The following ACAN variants were observed in gnomAD, a reference collection of about 807,000 sequenced individuals.
The protein encoded by ACAN is aggrecan core protein.
ACAN carries 47 observed loss-of-function variants against 169.1 expected under a neutral mutation model. The observed-to-expected ratio is 0.28, with a 90% CI of 0.22 to 0.35. ACAN has a LOEUF of 0.35. ACAN is among the 10% of genes least tolerant of loss of function. ACAN has a pLI of 1.00. For missense variants in ACAN, 2,716 were observed against 2,759.9 expected, an observed-to-expected ratio of 0.98 and a Z score of 0.36; for synonymous variants, 1,115 against 1,112.2, an observed-to-expected ratio of 1.00 and a Z score of -0.05.
At chr15:88,824,783 G>A (rs548645423) in intron 1 of ACAN, among the ~76,000 whole-genome samples, 6 of 152,150 alleles carry the variant, frequency 3.9e-5, no homozygotes, top group African/African-American at 7.2e-5. Flanking sequence ...GGAGGCTGAC[G>A]CAGGAGAATT....
At chr15:88,845,461 G>A (rs367941750) in intron 6 of ACAN, 44 bp from the exon 7 acceptor site, 2 of 1,556,214 alleles carry the variant, frequency 1.3e-6, no homozygotes, top group African/African-American at 1.4e-5. Context: ...CCTCAAGCCG[G>A]TCCCAGGCTG....
chr15:88,830,908 G>A (rs554540658), intron 1 of ACAN, among the ~76,000 whole-genome samples: 59 of 152,254 alleles, frequency 3.9e-4, no homozygotes, highest in African/African-American at 1.1e-3. Context: ...CCAGGTGATC[G>A]GCGTTTGTCA....
chr15:88,822,635 C>T (rs1342247219), intron 1 of ACAN, among the ~76,000 whole-genome samples: 1 of 152,112 alleles, frequency 6.6e-6, no homozygotes. Context: ...CGGGGTTTCT[C>T]CATGTTGAGG....
At chr15:88,822,040 T>A (rs937468471) in intron 1 of ACAN, among the ~76,000 whole-genome samples, 1 of 151,994 alleles carries the variant, frequency 6.6e-6, no homozygotes. Flanking sequence ...ATCCACAGAG[T>A]CTTGCTAACC....
Position 88,868,085 on chromosome 15 carries a change from C to CA in ACAN, c.6947-130dup. On this transcript the variant is annotated intron_variant, in intron 13 of 18. Transcript: ENST00000560601. The surrounding 1 kb of genome is among the most constrained non-coding windows in gnomAD (Gnocchi z 5.2). Reference sequence around the variant, plus strand: ...CAGCAGCAGCAGCAGCAACAGTTCTCAGGAAAACCAGCCAGTTCCCTCCCA... The same window carrying CA: ...CAGCAGCAGCAGCAGCAACAGTTCTCAAGGAAAACCAGCCAGTTCCCTCCCA... 1 of 621,282 alleles carries CA rather than the reference C, an allele frequency of 1.6e-6. No homozygotes were observed. Among genetic ancestry groups the CA allele is most frequent in the South Asian group, 1.9e-5 (1 of 52,530 alleles). The allele number at this position is 621,282 out of a possible 1,614,324, so 38.5% of individuals were successfully genotyped here.
At chr15:88,835,550 C>A (rs1236391220) in intron 1 of ACAN, among the ~76,000 whole-genome samples, 1 of 152,124 alleles carries the variant, frequency 6.6e-6, no homozygotes, top group East Asian at 1.9e-4. Flanking sequence ...AATTCTAGTC[C>A]AAGTTTGAAG....
chr15:88,821,709 G>C (rs1186588133), intron 1 of ACAN, among the ~76,000 whole-genome samples: 1 of 152,166 alleles, frequency 6.6e-6, no homozygotes. Flanking sequence ...ATGCCCATGG[G>C]ATGAAGAGGT....
chr15:88,821,004 G>A (rs1048954967), intron 1 of ACAN, among the ~76,000 whole-genome samples: 2 of 152,120 alleles, frequency 1.3e-5, no homozygotes, highest in Non-Finnish European at 2.9e-5. Flanking sequence ...GAGAAGTGCT[G>A]AGCAAAGGGG....
In ACAN at chr15:88,838,305, A is replaced by G. The variant is rs1175253176; in HGVS notation, c.71-358A>G. ...TGAGTTAAGCTGTCACTCCAAGGAGATGGGTCCTGTTTTATTCCACGCTTT... is the reference window on the plus strand; with the variant it reads ...TGAGTTAAGCTGTCACTCCAAGGAGGTGGGTCCTGTTTTATTCCACGCTTT... On this transcript the variant is annotated intron_variant, in intron 2 of 18. Coordinates refer to ENST00000560601, the MANE Select transcript of ACAN (RefSeq NM_001369268.1). This position sits in a 1 kb window ranked among gnomAD's most constrained non-coding sequence, Gnocchi z 5.1. 6.6e-6 allele frequency among the ~76,000 whole-genome samples: 1 copy of G among 152,094 alleles called. No individual in the cohort carries two copies. Among genetic ancestry groups the G allele is most frequent in the East Asian group, 1.9e-4 (1 of 5,178 alleles).
chr15:88,857,216 A>T lies in ACAN; in HGVS notation c.4631A>T (p.Asp1544Val), dbSNP rs749127093. ...VLEISASGFGDLSGLPSGGEG... is the reference protein window; with the variant it reads ...VLEISASGFGVLSGLPSGGEG... Reference sequence around the variant, plus strand: ...GAGATTTCTGCCTCTGGATTTGGGGACCTCAGTGGACTTCCTTCTGGAGGA... The same window carrying T: ...GAGATTTCTGCCTCTGGATTTGGGGTCCTCAGTGGACTTCCTTCTGGAGGA... The change falls in exon 12 of 19, where the codon GAC becomes GTC. Residue 1544 changes from aspartate (D) to valine (V), a missense_variant. Transcript: ENST00000560601. The T allele has an allele frequency of 6.2e-7, 1 of 1,613,512 alleles. No homozygotes were observed. The highest frequency in any genetic ancestry group is 1.7e-5 in the Admixed American group (1 of 59,982).
chr15:88,810,991 C>T (rs1411163393), intron 1 of ACAN, among the ~76,000 whole-genome samples: 1 of 152,204 alleles, frequency 6.6e-6, no homozygotes, highest in Non-Finnish European at 1.5e-5. Context: ...GCCACTGCCC[C>T]CAGTTTGTCC....
chr15:88,838,524 A>G lies in ACAN; in HGVS notation c.71-139A>G. 9.3e-7 allele frequency: 1 copy of G among 1,078,616 alleles called. No individual in the cohort carries two copies. Among genetic ancestry groups the G allele is most frequent in the South Asian group, 1.7e-5 (1 of 60,078 alleles). The allele number at this position is 1,078,616 out of a possible 1,614,324, so 66.8% of individuals were successfully genotyped here. A position where few individuals can be genotyped will look rare whatever the true frequency, so the allele number is the denominator to read the frequency against. ...GGGAATTCCCACATGACACGGGAGC[A>G]TCCCCATCATAGAGACAGACACACT... is the stretch of plus-strand genomic sequence containing the variant. On this transcript the variant is annotated intron_variant, in intron 2 of 18. Coordinates refer to ENST00000560601, the MANE Select transcript of ACAN (RefSeq NM_001369268.1). The surrounding 1 kb of genome is among the most constrained non-coding windows in gnomAD (Gnocchi z 5.1).
intron 1 of ACAN, among the ~76,000 whole-genome samples, chr15:88,809,484 C>A (rs1177573174): frequency 6.6e-6 from 1 of 152,196 alleles, no homozygotes; most frequent in Non-Finnish European, 1.5e-5. Context: ...GATGCAGGCA[C>A]CTTTGGTGTC....
At position 88,810,088 on chromosome 15, in the gene ACAN, G is replaced by T. The variant is rs571242851; in HGVS notation, c.-8+6279G>T. Among the ~76,000 whole-genome samples the T allele has an allele frequency of 3.3e-5, 5 of 152,266 alleles. 1 individual carries two copies. In the South Asian group the frequency reaches 1.0e-3, roughly 32 times the overall value. ...CAGCGTCTTCTTCATTATGCAGAGG[G>T]GGAGGCTGAGTCCCAGAGAGCGGAG... On this transcript the variant is annotated intron_variant, in intron 1 of 18. Coordinates refer to ENST00000560601, the MANE Select transcript of ACAN (RefSeq NM_001369268.1).
rs573402221 is a variant in ACAN, at chr15:88,811,248, A to G, written c.-8+7439A>G. ...CTCAAAATGCTGATGGACCTTGGAA[A>G]TCACCAAGTTTTTCAAACTGAATTT... is the stretch of plus-strand genomic sequence containing the variant. On this transcript the variant is annotated intron_variant, in intron 1 of 18. Coordinates refer to ENST00000560601, the MANE Select transcript of ACAN (RefSeq NM_001369268.1). Among the ~76,000 whole-genome samples, 155 of 152,334 alleles carry G rather than the reference A, an allele frequency of 1.0e-3. 3 individuals are homozygous for G. In the South Asian group the frequency reaches 0.032, roughly 31 times the overall value.
rs1897388409 is a variant in ACAN, at chr15:88,871,907, T to C, written c.7220-96T>C. 17 of 1,151,364 alleles carry C rather than the reference T, an allele frequency of 1.5e-5. No individual in the cohort carries two copies. In the South Asian group the frequency reaches 2.1e-4, roughly 14 times the overall value. The allele number at this position is 1,151,364 out of a possible 1,614,324, so 71.3% of individuals were successfully genotyped here. A position where few individuals can be genotyped will look rare whatever the true frequency, so the allele number is the denominator to read the frequency against. ...TGCTCCTAGGAGCCCACCCACCTCC[T>C]TTCCTCCTCCATCCCCTCTGCCTCC... On this transcript the variant is annotated intron_variant, in intron 15 of 18. Transcript: ENST00000560601. The surrounding 1 kb of genome is among the most constrained non-coding windows in gnomAD (Gnocchi z 7.8).
At position 88,871,262 on chromosome 15, in the gene ACAN, C is replaced by T; in HGVS notation, c.7061-120C>T. On this transcript the variant is annotated intron_variant, in intron 14 of 18. Coordinates refer to ENST00000560601, the MANE Select transcript of ACAN (RefSeq NM_001369268.1). This position sits in a 1 kb window ranked among gnomAD's most constrained non-coding sequence, Gnocchi z 7.8. ...CTCCTCCAGCTGTGCCTCTCCCTTC[C>T]CTTGAGGGCACAGCATGGAAGGTGG... 7.2e-7 allele frequency: 1 copy of T among 1,398,124 alleles called. No homozygotes were observed. The highest frequency in any genetic ancestry group is 9.8e-7 in the Non-Finnish European group (1 of 1,024,178). 86.6% of individuals were successfully genotyped at this position (1,398,124 alleles called of 1,614,324 possible).
rs867212611 is a variant in ACAN, at chr15:88,866,265, C to T, written c.6947-1951C>T. On this transcript the variant is annotated intron_variant, in intron 13 of 18. Transcript: ENST00000560601. The surrounding 1 kb of genome is among the most constrained non-coding windows in gnomAD (Gnocchi z 5.6). The stretch of plus-strand genomic sequence containing the variant: ...CCCAGGGTTGATGTTTTACTCTTCT[C>T]CCCAGAGGCCACTCCTGTTCCCTGC... Among the ~76,000 whole-genome samples the T allele has an allele frequency of 1.1e-4, 17 of 152,142 alleles. No homozygotes were observed. Among genetic ancestry groups the T allele is most frequent in the Admixed American group, 4.6e-4 (7 of 15,258 alleles).
At chr15:88,831,421 C>T (rs1896360388) in intron 1 of ACAN, among the ~76,000 whole-genome samples, 1 of 152,266 alleles carries the variant, frequency 6.6e-6, no homozygotes, top group African/African-American at 2.4e-5. Flanking sequence ...CCTAGGTGCT[C>T]ATCACATGTG....
Sources: allele counts gnomAD v4.1 joint callset (sites outside exome capture counted in the v4.1 genomes callset), GRCh38; gene constraint gnomAD v4.1.1; non-coding constraint Gnocchi (gnomAD v3.1); transcripts MANE v1.5; gene names NCBI Gene and HGNC (gene_info 2026-07-23, HGNC 2026-07-21).